Variants in MBP observed in about 807,000 individuals in gnomAD.
MBP encodes myelin basic protein, also known as Golli-MBP.
In MBP, 16 loss-of-function variants were observed where a neutral mutation model predicts 35.8. The ratio of observed to expected loss-of-function variants is 0.45; its 90% confidence interval spans 0.30 to 0.68. The LOEUF (loss-of-function observed/expected upper bound fraction) is 0.68. Among genes scored for constraint, MBP ranks in the 30% least tolerant of loss-of-function variants. The pLI is 0.08. For synonymous variants in MBP, 143 were observed against 159.6 expected, an observed-to-expected ratio of 0.90 and a Z score of 0.78; for missense variants, 380 against 404.7, an observed-to-expected ratio of 0.94 and a Z score of 0.52.
chr18:77,019,702 G>C (rs1244640845), intron 3 of MBP, among the ~76,000 whole-genome samples: 1 of 152,222 alleles, frequency 6.6e-6, no homozygotes, highest in Non-Finnish European at 1.5e-5. Flanking sequence ...AGCAGAGAGG[G>C]CTTGGGTCAG....
chr18:77,033,056 C>T (rs1972600367), intron 3 of MBP, among the ~76,000 whole-genome samples: 2 of 152,224 alleles, frequency 1.3e-5, no homozygotes, highest in African/African-American at 4.8e-5. Context: ...TAGCCTCCAC[C>T]TCCCAGGTTC....
At chr18:77,021,838 T>C (rs914224824) in intron 3 of MBP, among the ~76,000 whole-genome samples, 5 of 152,172 alleles carry the variant, frequency 3.3e-5, no homozygotes, top group Non-Finnish European at 5.9e-5. Flanking sequence ...TTTCTTTATT[T>C]CTCAGTGTAT....
intron 2 of MBP, among the ~76,000 whole-genome samples, chr18:77,068,760 T>C (rs188275375): frequency 6.6e-6 from 1 of 152,170 alleles, no homozygotes; most frequent in African/African-American, 2.4e-5. Context: ...TCAAACTCAC[T>C]AGTAATCAGA....
In MBP at chr18:77,066,122, T is replaced by G. The variant is rs1018310515; in HGVS notation, c.139+176A>C. 5.2e-5 allele frequency: 32 copies of G among 614,174 alleles called. No homozygotes were observed. The African/African-American group carries it at 5.7e-4, about 11-fold the overall frequency. 38.0% of individuals were successfully genotyped at this position (614,174 alleles called of 1,614,324 possible). On this transcript the variant is annotated intron_variant, in intron 3 of 8. Coordinates refer to ENST00000355994, the MANE Select transcript of MBP (RefSeq NM_001025101.2). ...AAGCGATCCTCTTGCATAGACCCCA[T>G]GAAGTGTGCGATTACAGACATGAAG...
intron 1 of MBP, among the ~76,000 whole-genome samples, chr18:77,116,620 G>T (rs906585159): frequency 2.0e-5 from 3 of 152,184 alleles, no homozygotes; most frequent in Admixed American, 6.5e-5. Context: ...CTTTACAGAC[G>T]TTGAAACTCA....
chr18:77,127,502 T>A (rs1353807273), intron 1 of MBP: 1 of 152,126 alleles, frequency 6.6e-6, no homozygotes, highest in African/African-American at 2.4e-5. Flanking sequence ...GACTTAGACT[T>A]CACACCAAAA....
chr18:77,007,857 A>C (rs1333435888), intron 4 of MBP, among the ~76,000 whole-genome samples: 1 of 152,222 alleles, frequency 6.6e-6, no homozygotes, highest in African/African-American at 2.4e-5. Flanking sequence ...CCAGGATTTT[A>C]AAGGTATATG....
chr18:77,084,191 G>A (rs1345330358), intron 2 of MBP, among the ~76,000 whole-genome samples: 2 of 152,036 alleles, frequency 1.3e-5, no homozygotes, highest in East Asian at 3.9e-4. Context: ...CACTCTTTGT[G>A]AGATCATTTT....
chr18:77,084,428 A>G (rs868025520), intron 2 of MBP, among the ~76,000 whole-genome samples: 6,421 of 45,648 alleles, frequency 0.14, 332 homozygotes, highest in South Asian at 0.2. Flanking sequence ...CCGCCACACC[A>G]CACCACACAC....
chr18:77,058,415 C>A (rs1048771663), intron 3 of MBP, among the ~76,000 whole-genome samples: 3 of 152,188 alleles, frequency 2.0e-5, no homozygotes, highest in Non-Finnish European at 4.4e-5. Flanking sequence ...CCAGCCAACG[C>A]CCCGCACAGC....
chr18:77,041,929 TA>T (rs11370656), intron 3 of MBP, among the ~76,000 whole-genome samples: 44,838 of 146,118 alleles, frequency 0.31, 6,872 homozygotes, highest in South Asian at 0.48. Context: ...AAAGTATAAT[TA>T]AAAAAAAAAA....
At chr18:77,072,694 C>T (rs1974499277) in intron 2 of MBP, among the ~76,000 whole-genome samples, 3 of 152,244 alleles carry the variant, frequency 2.0e-5, no homozygotes, top group African/African-American at 7.2e-5. Context: ...AAAGCCACTT[C>T]TCAGGGGCTC....
chr18:77,047,080 A>G (rs1221598375), intron 3 of MBP, among the ~76,000 whole-genome samples: 2 of 152,256 alleles, frequency 1.3e-5, no homozygotes, highest in African/African-American at 4.8e-5. Flanking sequence ...GAAAGTCTAA[A>G]TGAACAAACC....
chr18:77,090,898 A>T (rs1483439881), intron 2 of MBP, among the ~76,000 whole-genome samples: 1 of 152,206 alleles, frequency 6.6e-6, no homozygotes, highest in African/African-American at 2.4e-5. Flanking sequence ...ACACAGGACC[A>T]GGGCCGGACG....
chr18:77,095,940 C>T (rs533237179), intron 2 of MBP, among the ~76,000 whole-genome samples: 1 of 152,182 alleles, frequency 6.6e-6, no homozygotes, highest in Non-Finnish European at 1.5e-5. Flanking sequence ...AATTTTACTG[C>T]AGAGAGAGAT....
intron 4 of MBP, chr18:77,004,615 C>A (rs959761046): frequency 6.6e-6 from 1 of 152,226 alleles, no homozygotes; most frequent in Admixed American, 6.5e-5. Context: ...ACAAGCCTTT[C>A]GTTCTGATGC....
intron 3 of MBP, among the ~76,000 whole-genome samples, chr18:77,026,631 T>G (rs1270201413): frequency 6.6e-6 from 1 of 152,012 alleles, no homozygotes; most frequent in Non-Finnish European, 1.5e-5. Flanking sequence ...AAGCAGATCT[T>G]AAATGGGGAG....
At position 76,989,659 on chromosome 18, in the gene MBP, T is replaced by C. The variant is rs978730207; in HGVS notation, c.681+297A>G. ...CCCAGCCCATGGCAAGCACTCTCCATAGGTTGCAAAGCCTGTGTTTTTAGG... is the reference window on the plus strand; with the variant it reads ...CCCAGCCCATGGCAAGCACTCTCCACAGGTTGCAAAGCCTGTGTTTTTAGG... On this transcript the variant is annotated intron_variant, in intron 5 of 8. Transcript: ENST00000355994. This position sits in a 1 kb window ranked among gnomAD's most constrained non-coding sequence, Gnocchi z 4.0. The C allele has an allele frequency of 1.9e-5, 7 of 361,804 alleles. No individual in the cohort carries two copies. The highest frequency in any genetic ancestry group is 1.5e-4 in the African/African-American group (7 of 45,956). The allele number at this position is 361,804 out of a possible 1,614,324, so 22.4% of individuals were successfully genotyped here.
chr18:77,087,847 C>T (rs948207401), intron 2 of MBP, among the ~76,000 whole-genome samples: 5 of 152,122 alleles, frequency 3.3e-5, no homozygotes, highest in Admixed American at 2.6e-4. Flanking sequence ...GGCTGGGATC[C>T]CCGCTTCCCA....
Sources: allele counts gnomAD v4.1 joint callset (sites outside exome capture counted in the v4.1 genomes callset), GRCh38; gene constraint gnomAD v4.1.1; non-coding constraint Gnocchi (gnomAD v3.1); transcripts MANE v1.5; gene names NCBI Gene and HGNC (gene_info 2026-07-23, HGNC 2026-07-21).